ANKRD30B: variants seen among roughly 807,000 people sequenced by gnomAD.
The protein encoded by ANKRD30B is ankyrin repeat domain 30B, also known as ankyrin repeat domain-containing protein 30B.
In ANKRD30B, 144 loss-of-function variants were observed where a neutral mutation model predicts 202.2. That is an observed-to-expected ratio of 0.71 (90% CI 0.62 to 0.82). The LOEUF (loss-of-function observed/expected upper bound fraction) is 0.82, where lower values mean the gene tolerates loss of function less well. ANKRD30B is among the 40% of genes least tolerant of loss of function. The pLI is 0.00. For missense variants in ANKRD30B, 1,487 were observed against 1,669.1 expected (o/e 0.89, Z 1.90); for synonymous variants, 508 against 561.3 (o/e 0.91, Z 1.34).
intron 9 of ANKRD30B, among the ~76,000 whole-genome samples, chr18:14,773,517 G>T (rs547912124): frequency 6.6e-6 from 1 of 151,948 alleles, no homozygotes. Context: ...TTAATATTTA[G>T]AATGCATAAA....
At chr18:14,852,601 T>C in intron 42 of ANKRD30B, 181 bp downstream of exon 42, 1 of 769,474 alleles carries the variant, frequency 1.3e-6, no homozygotes, top group Non-Finnish European at 1.8e-6. Flanking sequence ...CGTTTTACTT[T>C]GAGTAAAGGT....
At chr18:14,765,350 C>G (rs1286435736) in intron 7 of ANKRD30B, among the ~76,000 whole-genome samples, 1 of 151,824 alleles carries the variant, frequency 6.6e-6, no homozygotes, top group African/African-American at 2.4e-5. Flanking sequence ...GTAATCCCAG[C>G]TACTTGGGAG....
intron 9 of ANKRD30B, among the ~76,000 whole-genome samples, chr18:14,776,194 A>G (rs1374051463): frequency 2.0e-5 from 3 of 152,178 alleles, no homozygotes; most frequent in South Asian, 2.1e-4. Context: ...GATTTTCAAT[A>G]TTTTGACCTG....
chr18:14,874,040 TG>T, the ANKRD30B span, among the ~76,000 whole-genome samples: 6 of 152,302 alleles, frequency 3.9e-5, no homozygotes, highest in East Asian at 1.2e-3. Flanking sequence ...GCCACTTACT[TG>T]CTTAGTCAGT....
chr18:14,785,931 G>T (rs1245981645), intron 14 of ANKRD30B, among the ~76,000 whole-genome samples: 1 of 151,692 alleles, frequency 6.6e-6, no homozygotes, highest in Non-Finnish European at 1.5e-5. Flanking sequence ...CCAGCTACTC[G>T]GGAGGCTGAG....
At position 14,808,487 on chromosome 18, in the gene ANKRD30B, C is replaced by G. The variant is rs778436799; in HGVS notation, c.2285-64C>G. The G allele has an allele frequency of 2.2e-5, 29 of 1,323,652 alleles. 1 individual carries two copies. The highest frequency in any genetic ancestry group is 1.6e-4 in the African/African-American group (11 of 67,864). The allele number at this position is 1,323,652 out of a possible 1,614,324, so 82.0% of individuals were successfully genotyped here. A position where few individuals can be genotyped will look rare whatever the true frequency, so the allele number is the denominator to read the frequency against. On this transcript the variant is annotated intron_variant, in intron 24 of 43. Transcript: ENST00000690538. Reference sequence around the variant, plus strand: ...GACTCATCTTCATATTCACATTGTACGAATGCTTGGTAGGCTTTGTCAGGC... The same window carrying G: ...GACTCATCTTCATATTCACATTGTAGGAATGCTTGGTAGGCTTTGTCAGGC...
the ANKRD30B span, among the ~76,000 whole-genome samples, chr18:14,876,348 T>G: frequency 6.6e-6 from 1 of 152,204 alleles, no homozygotes; most frequent in South Asian, 2.1e-4. Flanking sequence ...AGTGCTAAGC[T>G]GCATGGCACA....
intron 16 of ANKRD30B, among the ~76,000 whole-genome samples, chr18:14,795,611 G>C (rs989047435): frequency 4.6e-5 from 7 of 152,042 alleles, no homozygotes; most frequent in African/African-American, 1.7e-4. Flanking sequence ...ATTTCACAGA[G>C]GTTCAAAAAT....
chr18:14,808,318 C>T (rs1969659890), intron 24 of ANKRD30B: 2 of 531,304 alleles, frequency 3.8e-6, no homozygotes, highest in East Asian at 4.2e-5. Flanking sequence ...TATATTTTGA[C>T]TGTTGAAATC....
At chr18:14,753,100 C>A in intron 3 of ANKRD30B, 88 bp downstream of exon 3, 1 of 1,050,096 alleles carries the variant, frequency 9.5e-7, no homozygotes, top group South Asian at 2.4e-5. Context: ...TTTGGAAACA[C>A]AAACATTCCT....
downstream of ANKRD30B, among the ~76,000 whole-genome samples, chr18:14,858,745 T>G (rs1972138569): frequency 7.0e-6 from 1 of 142,412 alleles, no homozygotes; most frequent in African/African-American, 2.6e-5. Context: ...GCAGAGGTGC[T>G]CCTCACCTCC....
chr18:14,768,484 A>T (rs1916600264), intron 7 of ANKRD30B, among the ~76,000 whole-genome samples: 1 of 152,168 alleles, frequency 6.6e-6, no homozygotes, highest in South Asian at 2.1e-4. Flanking sequence ...TTTGCAACTG[A>T]TGTGGGAGGG....
At chr18:14,839,632 G>A (rs1971329034) in intron 36 of ANKRD30B, among the ~76,000 whole-genome samples, 1 of 152,126 alleles carries the variant, frequency 6.6e-6, no homozygotes, top group African/African-American at 2.4e-5. Flanking sequence ...TATGCCTTAA[G>A]AACGAATTGC....
the ANKRD30B span, among the ~76,000 whole-genome samples, chr18:14,876,115 C>T: frequency 6.6e-6 from 1 of 151,720 alleles, no homozygotes; most frequent in Admixed American, 6.6e-5. Context: ...CAGGGCATGG[C>T]TCTGGACCTC....
chr18:14,831,804 T>G (rs1325795898), intron 34 of ANKRD30B, among the ~76,000 whole-genome samples: 4 of 152,182 alleles, frequency 2.6e-5, no homozygotes, highest in Non-Finnish European at 5.9e-5. Flanking sequence ...AAGGTTTCTT[T>G]GCATAAGTAA....
chr18:14,791,330 TA>T, intron 15 of ANKRD30B, 70 bp from the exon 16 acceptor site: 3 of 1,301,394 alleles, frequency 2.3e-6, no homozygotes. Flanking sequence ...AGATTCTAGT[TA>T]GAAAATTTTG....
chr18:14,777,938 C>CA (rs1015622341), intron 9 of ANKRD30B, 47 bp from the exon 10 acceptor site: 4 of 1,419,388 alleles, frequency 2.8e-6, no homozygotes, highest in African/African-American at 2.9e-5. Context: ...CTCAAAAAAA[C>CA]AAAAAAAGGA....
In ANKRD30B at chr18:14,748,255, A is replaced by G; in HGVS notation, c.-165A>G. On this transcript the variant is annotated 5_prime_UTR_variant, in exon 1 of 44. In the 5' UTR this introduces an upstream ATG that the reference lacks. Coordinates refer to ENST00000690538, the MANE Select transcript of ANKRD30B (RefSeq NM_001367607.2). ...CCGGAGTGTTCAAGAGCTTGGCGAT[A>G]CAGAAATTTCTGCTGGTGTTGGGGC... 1.8e-6 allele frequency: 1 copy of G among 559,004 alleles called. No individual in the cohort carries two copies. Among genetic ancestry groups the G allele is most frequent in the Non-Finnish European group, 3.1e-6 (1 of 321,224 alleles). 34.6% of individuals were successfully genotyped at this position (559,004 alleles called of 1,614,324 possible).
intron 36 of ANKRD30B, among the ~76,000 whole-genome samples, chr18:14,838,957 A>G (rs1971295093): frequency 6.6e-6 from 1 of 152,246 alleles, no homozygotes; most frequent in African/African-American, 2.4e-5. Context: ...AATGGGGAGT[A>G]AGAACAGGCA....
Sources: allele counts gnomAD v4.1 joint callset (sites outside exome capture counted in the v4.1 genomes callset), GRCh38; gene constraint gnomAD v4.1.1; transcripts MANE v1.5; gene names NCBI Gene and HGNC (gene_info 2026-07-23, HGNC 2026-07-21).